Variants in GRIN2B observed in about 807,000 individuals in gnomAD.
GRIN2B encodes the protein glutamate receptor ionotropic, NMDA 2B.
Under a neutral mutation model 114.5 loss-of-function variants are expected in GRIN2B, and 5 were observed. The observed-to-expected ratio is 0.04, with a 90% confidence interval of 0.02 to 0.09. The LOEUF is 0.09. Among genes scored for constraint, GRIN2B ranks in the 10% least tolerant of loss-of-function variants. The pLI is 1.00. For synonymous variants in GRIN2B, 787 were observed against 745.1 expected, an observed-to-expected ratio of 1.06 and a Z score of -0.92; for missense variants, 1,108 against 1,943.5, an observed-to-expected ratio of 0.57 and a Z score of 8.08.
At chr12:13,692,785 T>TTTTTTTTTTA (rs1950226634) in intron 4 of GRIN2B, among the ~76,000 whole-genome samples, 1 of 121,502 alleles carries the variant, frequency 8.2e-6, no homozygotes, top group African/African-American at 2.9e-5. Flanking sequence ...TTTTTTTTTT[T>TTTTTTTTTTA]GAGGCAGAGT....
At chr12:13,576,848 G>GGGCTC (rs2136421956) in intron 10 of GRIN2B, among the ~76,000 whole-genome samples, 1 of 152,246 alleles carries the variant, frequency 6.6e-6, no homozygotes, top group Admixed American at 6.5e-5. Context: ...CCACCATGCT[G>GGGCTC]GGCTCAGTAC....
Position 13,611,713 on chromosome 12 carries a change from A to C in GRIN2B, c.1780+12T>G. On this transcript the variant is annotated intron_variant, in intron 9 of 13. Coordinates refer to ENST00000609686, the MANE Select transcript of GRIN2B (RefSeq NM_000834.5). ...AAAACTGGGGAAGTGCAGCGGTTCCAGCCGGCCTTACCTCTGCCATCAGCG... is the reference window on the plus strand; with the variant it reads ...AAAACTGGGGAAGTGCAGCGGTTCCCGCCGGCCTTACCTCTGCCATCAGCG... 6.2e-7 allele frequency: 1 copy of C among 1,613,472 alleles called. No homozygotes were observed. Among genetic ancestry groups the C allele is most frequent in the Non-Finnish European group, 8.5e-7 (1 of 1,179,382 alleles).
intron 2 of GRIN2B, among the ~76,000 whole-genome samples, chr12:13,967,175 T>A (rs527461649): frequency 1.4e-4 from 21 of 152,338 alleles, no homozygotes; most frequent in African/African-American, 4.8e-4. Flanking sequence ...GTCCTATAGC[T>A]AATGAGCACA....
At chr12:13,733,578 T>A (rs1258300912) in intron 4 of GRIN2B, among the ~76,000 whole-genome samples, 3 of 152,160 alleles carry the variant, frequency 2.0e-5, no homozygotes, top group Non-Finnish European at 4.4e-5. Flanking sequence ...AAAACCAATC[T>A]AAAAGAGGAT....
Position 13,537,625 on chromosome 12 carries a change from C to T in GRIN2B, c.*25158G>A, listed in dbSNP as rs757311521. On this transcript the variant is annotated 3_prime_UTR_variant, in exon 14 of 14. Coordinates refer to ENST00000609686, the MANE Select transcript of GRIN2B (RefSeq NM_000834.5). Reference sequence around the variant, plus strand: ...TGGGATTAGAAGTAAATAGGAGGCCCGCTTTCCCCAGATGCACATACATAG... The same window carrying T: ...TGGGATTAGAAGTAAATAGGAGGCCTGCTTTCCCCAGATGCACATACATAG... 10 of 152,212 alleles carry T rather than the reference C, an allele frequency of 6.6e-5. No individual in the cohort carries two copies. The highest frequency in any genetic ancestry group is 4.2e-4 in the South Asian group (2 of 4,816). 9.4% of individuals were successfully genotyped at this position (152,212 alleles called of 1,614,324 possible).
intron 2 of GRIN2B, among the ~76,000 whole-genome samples, chr12:13,920,778 G>A (rs1385918984): frequency 6.6e-6 from 1 of 152,082 alleles, no homozygotes; most frequent in African/African-American, 2.4e-5. Flanking sequence ...GTAGCCCTTC[G>A]CTTACATTTT....
At chr12:13,565,886 C>T (rs958704760) in intron 13 of GRIN2B, among the ~76,000 whole-genome samples, 2 of 152,136 alleles carry the variant, frequency 1.3e-5, no homozygotes, top group African/African-American at 4.8e-5. Context: ...GTTCTTCTAA[C>T]CCTTCCTGAT....
rs1007004551 is a variant in GRIN2B, at chr12:13,545,642, T to C, written c.*17141A>G. On this transcript the variant is annotated 3_prime_UTR_variant, in exon 14 of 14. Coordinates refer to ENST00000609686, the MANE Select transcript of GRIN2B (RefSeq NM_000834.5). Reference sequence around the variant, plus strand: ...CAAGTGCAGAGCTCACTTTTCATGATTTTTCTGGTTTGAGAATTGTCCTTG... The same window carrying C: ...CAAGTGCAGAGCTCACTTTTCATGACTTTTCTGGTTTGAGAATTGTCCTTG... The C allele has an allele frequency of 1.3e-5, 2 of 152,194 alleles. No individual in the cohort carries two copies. The highest frequency in any genetic ancestry group is 4.8e-5 in the African/African-American group (2 of 41,448). 9.4% of individuals were successfully genotyped at this position (152,194 alleles called of 1,614,324 possible).
At chr12:13,765,982 G>A (rs562357616) in intron 3 of GRIN2B, among the ~76,000 whole-genome samples, 1 of 152,270 alleles carries the variant, frequency 6.6e-6, no homozygotes, top group South Asian at 2.1e-4. Context: ...CCTCTGCCTA[G>A]TATATTACAG....
In GRIN2B at chr12:13,557,040, T is replaced by G. The variant is rs1948485751; in HGVS notation, c.*5743A>C. 1 of 152,172 alleles carries G rather than the reference T, an allele frequency of 6.6e-6. No homozygotes were observed. The highest frequency in any genetic ancestry group is 1.5e-5 in the Non-Finnish European group (1 of 68,036). 9.4% of individuals were successfully genotyped at this position (152,172 alleles called of 1,614,324 possible). ...CTGGCTTTCAATTTAAGGTTTTGGG[T>G]GAGGGCCTTTGTCATAGGAATAGAT... is the stretch of plus-strand genomic sequence containing the variant. On this transcript the variant is annotated 3_prime_UTR_variant, in exon 14 of 14. Coordinates refer to ENST00000609686, the MANE Select transcript of GRIN2B (RefSeq NM_000834.5).
intron 4 of GRIN2B, among the ~76,000 whole-genome samples, chr12:13,690,302 C>CAT (rs1164534267): frequency 1.3e-5 from 2 of 148,758 alleles, no homozygotes; most frequent in East Asian, 4.0e-4. Flanking sequence ...CACACACACA[C>CAT]ACACACACAC....
chr12:13,598,986 T>C (rs903198593), intron 10 of GRIN2B, among the ~76,000 whole-genome samples: 1 of 152,226 alleles, frequency 6.6e-6, no homozygotes, highest in African/African-American at 2.4e-5. Flanking sequence ...TGCTCCGTGC[T>C]GAGGGAGTCG....
intron 2 of GRIN2B, among the ~76,000 whole-genome samples, chr12:13,959,135 T>C (rs982572947): frequency 2.6e-5 from 4 of 152,186 alleles, no homozygotes; most frequent in Admixed American, 2.0e-4. Context: ...TGGTGGGTTA[T>C]TCAGGAAAGT....
At chr12:13,847,689 G>T (rs1865493423) in intron 3 of GRIN2B, among the ~76,000 whole-genome samples, 1 of 152,046 alleles carries the variant, frequency 6.6e-6, no homozygotes, top group Non-Finnish European at 1.5e-5. Flanking sequence ...AGGGAGCAGG[G>T]CAAGGAGAGA....
intron 5 of GRIN2B, among the ~76,000 whole-genome samples, chr12:13,619,709 C>T (rs2136485370): frequency 6.6e-6 from 1 of 152,322 alleles, no homozygotes; most frequent in Non-Finnish European, 1.5e-5. Context: ...AGGCACTGAC[C>T]ATATCTAGTA....
In GRIN2B at chr12:13,551,873, G is replaced by T. The variant is rs1948417495; in HGVS notation, c.*10910C>A. ...ATTAAAATAGCCATGGATTTCAAAAGAAAATCAATTACAATTAAAATGTGA... is the reference window on the plus strand; with the variant it reads ...ATTAAAATAGCCATGGATTTCAAAATAAAATCAATTACAATTAAAATGTGA... On this transcript the variant is annotated 3_prime_UTR_variant, in exon 14 of 14. Transcript: ENST00000609686. The T allele has an allele frequency of 6.6e-6, 1 of 151,978 alleles. No homozygotes were observed. Among genetic ancestry groups the T allele is most frequent in the African/African-American group, 2.4e-5 (1 of 41,358 alleles). 9.4% of individuals were successfully genotyped at this position (151,978 alleles called of 1,614,324 possible). A position where few individuals can be genotyped will look rare whatever the true frequency, so the allele number is the denominator to read the frequency against.
intron 4 of GRIN2B, among the ~76,000 whole-genome samples, chr12:13,686,042 A>G (rs1591675772): frequency 6.6e-6 from 1 of 152,138 alleles, no homozygotes; most frequent in South Asian, 2.1e-4. Flanking sequence ...AAGAAAATAC[A>G]TCTAGATGAG....
chr12:13,560,915 T>A lies in GRIN2B; in HGVS notation c.*1868A>T, dbSNP rs1948534979. On this transcript the variant is annotated 3_prime_UTR_variant, in exon 14 of 14. Coordinates refer to ENST00000609686, the MANE Select transcript of GRIN2B (RefSeq NM_000834.5). ...AGTGACTTGAAGAGACATGGCAGCT[T>A]CCTTCCAGAGGAGGATGAGCACCTT... The A allele has an allele frequency of 6.6e-6, 1 of 152,170 alleles. No individual in the cohort carries two copies. The highest frequency in any genetic ancestry group is 2.1e-4 in the South Asian group (1 of 4,816). The allele number at this position is 152,170 out of a possible 1,614,324, so 9.4% of individuals were successfully genotyped here. A position where few individuals can be genotyped will look rare whatever the true frequency, so the allele number is the denominator to read the frequency against.
At chr12:13,965,786 A>G (rs1250211426) in intron 2 of GRIN2B, among the ~76,000 whole-genome samples, 1 of 152,230 alleles carries the variant, frequency 6.6e-6, no homozygotes, top group East Asian at 1.9e-4. Flanking sequence ...AAGTAAAGAT[A>G]GAGAGGTAAA....
Sources: allele counts gnomAD v4.1 joint callset (sites outside exome capture counted in the v4.1 genomes callset), GRCh38; gene constraint gnomAD v4.1.1; transcripts MANE v1.5; gene names NCBI Gene and HGNC (gene_info 2026-07-23, HGNC 2026-07-21).